The following ASXL1 variants were observed in gnomAD, a reference collection of about 807,000 sequenced individuals.
The protein encoded by ASXL1 is polycomb group protein ASXL1.
ASXL1 carries 65 observed loss-of-function variants against 89.1 expected under a neutral mutation model. The observed-to-expected ratio is 0.73, with a 90% CI of 0.60 to 0.90. The LOEUF is 0.90. ASXL1 is among the 40% of genes least tolerant of loss of function. The pLI, the probability that ASXL1 is intolerant of heterozygous loss-of-function variation, is 0.00. For missense variants in ASXL1, 1,786 were observed against 1,942.9 expected (o/e 0.92, Z 1.52); for synonymous variants, 739 against 746.9 (o/e 0.99, Z 0.17).
At chr20:32,378,261 C>G (rs2048423297) in intron 4 of ASXL1, among the ~76,000 whole-genome samples, 1 of 151,762 alleles carries the variant, frequency 6.6e-6, no homozygotes, top group Non-Finnish European at 1.5e-5. Context: ...CTCAAGCCAT[C>G]TGCCCACCTT....
At chr20:32,390,934 C>T (rs2048660443) in intron 4 of ASXL1, among the ~76,000 whole-genome samples, 1 of 152,028 alleles carries the variant, frequency 6.6e-6, no homozygotes, top group African/African-American at 2.4e-5. Context: ...CTTGCTCTGT[C>T]ACCCAGGCTG....
intron 1 of ASXL1, among the ~76,000 whole-genome samples, chr20:32,362,095 T>C (rs1293048539): frequency 6.6e-6 from 1 of 152,090 alleles, no homozygotes; most frequent in Non-Finnish European, 1.5e-5. Context: ...ACCAGTCCTC[T>C]TAATGTTTAA....
chr20:32,381,142 A>G (rs1470779545), intron 4 of ASXL1, among the ~76,000 whole-genome samples: 2 of 152,216 alleles, frequency 1.3e-5, no homozygotes, highest in Non-Finnish European at 2.9e-5. Flanking sequence ...AGGTGCTAAT[A>G]AATATTGGCT....
intron 4 of ASXL1, among the ~76,000 whole-genome samples, chr20:32,391,541 A>G (rs2048670589): frequency 6.6e-6 from 1 of 152,158 alleles, no homozygotes; most frequent in African/African-American, 2.4e-5. Context: ...CTGGAGTGCA[A>G]TGGCAAGATT....
In ASXL1 at chr20:32,433,489, G is replaced by T. The variant is rs2123258098; in HGVS notation, c.1291G>T (p.Glu431Ter). 1 of 1,614,178 alleles carries T rather than the reference G, an allele frequency of 6.2e-7. No homozygotes were observed. The highest frequency in any genetic ancestry group is 8.5e-7 in the Non-Finnish European group (1 of 1,180,034). The stretch of plus-strand genomic sequence containing the variant: ...GAATCTGTACAAAAAACAGGAGTCA[G>T]AACAAGCAGGGGTTGCTAAGGATGC... ...RRNLYKKQESEQAGVAKDAKS... is the reference protein window; with the variant it reads ...RRNLYKKQES Residue 431 changes from glutamate (E) to a stop codon, truncating the protein, a stop_gained, in exon 12 of 13, where the codon GAA (glutamate) becomes TAA (stop). Coordinates refer to ENST00000375687, the MANE Select transcript of ASXL1 (RefSeq NM_015338.6). LOFTEE classifies it high-confidence loss of function.
At chr20:32,412,244 A>G (rs922755396) in intron 4 of ASXL1, among the ~76,000 whole-genome samples, 27 of 152,328 alleles carry the variant, frequency 1.8e-4, no homozygotes, top group Non-Finnish European at 3.2e-4. Context: ...TGCTACTCCA[A>G]CATTGAACAA....
At chr20:32,367,271 T>C (rs2048221127) in intron 2 of ASXL1, among the ~76,000 whole-genome samples, 1 of 152,026 alleles carries the variant, frequency 6.6e-6, no homozygotes, top group African/African-American at 2.4e-5. Context: ...TAGTTCCAGC[T>C]TGGGAGGCGG....
rs569836317 is a variant in ASXL1, at chr20:32,388,978, C to G, written c.252+19855C>G. Among the ~76,000 whole-genome samples the G allele has an allele frequency of 7.2e-5, 11 of 152,190 alleles. No individual in the cohort carries two copies. In the South Asian group the frequency reaches 2.3e-3, roughly 32 times the overall value. On this transcript the variant is annotated intron_variant, in intron 4 of 12. Transcript: ENST00000375687. ...GCACGCCCCCACATCCAACCATCGT[C>G]AAACAAAACATCTTTTACACTCTAT...
chr20:32,417,123 T>G (rs12479549), intron 4 of ASXL1, among the ~76,000 whole-genome samples: 1 of 152,230 alleles, frequency 6.6e-6, no homozygotes, highest in Admixed American at 6.5e-5. Flanking sequence ...TTTCACTTGG[T>G]CTTTGTCTAC....
At position 32,418,809 on chromosome 20, in the gene ASXL1, CTTTTTTTTTTTTTTTTTTTTTTTTT is replaced by C. The variant is rs71338437; in HGVS notation, c.253-9302_253-9278del. Among the ~76,000 whole-genome samples, 45 of 55,746 alleles carry C rather than the reference CTTTTTTTTTTTTTTTTTTTTTTTTT, an allele frequency of 8.1e-4. 1 individual carries two copies. The highest frequency in any genetic ancestry group is 2.3e-3 in the African/African-American group (34 of 14,850). 36.6% of individuals were successfully genotyped at this position (55,746 alleles called of 152,430 possible). ...AAATCAAAATGGGAAGAATTGACAT[CTTTTTTTTTTTTTTTTTTTTTTTTT>C]TTTTTTTTTTTTTTTTGAGACGGAG... On this transcript the variant is annotated intron_variant, in intron 4 of 12. Transcript: ENST00000375687.
rs1428253527 is a variant in ASXL1, at chr20:32,429,326, C to G, written c.472-12C>G. 6.2e-7 allele frequency: 1 copy of G among 1,613,564 alleles called. No homozygotes were observed. Among genetic ancestry groups the G allele is most frequent in the African/African-American group, 1.3e-5 (1 of 74,916 alleles). ...TGACTTGGGCTCTCTTTTGTTCTCT[C>G]TTGGAACGCAGGCGAACAAACAAAA... On this transcript the variant is annotated splice_polypyrimidine_tract_variant and intron_variant, in intron 6 of 12. Coordinates refer to ENST00000375687, the MANE Select transcript of ASXL1 (RefSeq NM_015338.6). This position sits in a 1 kb window ranked among gnomAD's most constrained non-coding sequence, Gnocchi z 4.9.
At chr20:32,370,811 T>C (rs1262862894) in intron 4 of ASXL1, among the ~76,000 whole-genome samples, 1 of 151,980 alleles carries the variant, frequency 6.6e-6, no homozygotes, top group Non-Finnish European at 1.5e-5. Flanking sequence ...TTTGTATGCT[T>C]TTCTTGTAAT....
At chr20:32,398,381 C>G (rs1430819284) in intron 4 of ASXL1, among the ~76,000 whole-genome samples, 5 of 131,872 alleles carry the variant, frequency 3.8e-5, no homozygotes, top group Non-Finnish European at 6.7e-5. Context: ...AGTACATTCA[C>G]AGTGTTGGGT....
At chr20:32,366,322 T>TATGG (rs2048203584) in intron 1 of ASXL1, 62 bp from the exon 2 acceptor site, 2 of 1,411,302 alleles carry the variant, frequency 1.4e-6, no homozygotes, top group African/African-American at 2.8e-5. Flanking sequence ...GCCCATGATA[T>TATGG]ATGGATGGAT....
chr20:32,394,117 C>T (rs538221705), intron 4 of ASXL1, among the ~76,000 whole-genome samples: 1 of 152,046 alleles, frequency 6.6e-6, no homozygotes, highest in Non-Finnish European at 1.5e-5. Context: ...ATACTCCTGC[C>T]TCAGCCTCCC....
At chr20:32,365,642 T>C (rs1462144842) in intron 1 of ASXL1, among the ~76,000 whole-genome samples, 1 of 152,146 alleles carries the variant, frequency 6.6e-6, no homozygotes, top group Non-Finnish European at 1.5e-5. Context: ...AAACAACTCT[T>C]AAAGCAAGAG....
At chr20:32,366,319 A>G in intron 1 of ASXL1, 65 bp from the exon 2 acceptor site, 1 of 1,388,852 alleles carries the variant, frequency 7.2e-7, no homozygotes, top group Admixed American at 1.7e-5. Context: ...TTAGCCCATG[A>G]TATATGGATG....
chr20:32,372,089 C>T (rs1309315811), intron 4 of ASXL1: 2 of 1,338,162 alleles, frequency 1.5e-6, no homozygotes, highest in African/African-American at 3.0e-5. Context: ...TGTAATTTGG[C>T]TCTGGGCAGA....
chr20:32,413,101 G>A (rs1600546272), intron 4 of ASXL1, among the ~76,000 whole-genome samples: 1 of 152,136 alleles, frequency 6.6e-6, no homozygotes, highest in African/African-American at 2.4e-5. Context: ...TTCATGAAAC[G>A]ATAGAGTAAT....
Sources: gnomAD v4.1 joint callset for allele counts (sites outside exome capture counted in the v4.1 genomes callset) on GRCh38, gnomAD v4.1.1 for gene constraint, Gnocchi (gnomAD v3.1) non-coding constraint, MANE v1.5 for transcripts, NCBI Gene and HGNC (gene_info 2026-07-23, HGNC 2026-07-21) for gene names.